GNB1: variants seen among roughly 807,000 people sequenced by gnomAD.
GNB1 encodes the protein G protein subunit beta 1, also known as guanine nucleotide-binding protein G(I)/G(S)/G(T) subunit beta-1.
A neutral mutation model predicts 42.9 loss-of-function variants in GNB1; 2 were observed. The observed-to-expected ratio is 0.05, with a 90% CI of 0.02 to 0.15. The LOEUF (loss-of-function observed/expected upper bound fraction) is 0.15, where lower values mean the gene tolerates loss of function less well. Ranked by LOEUF, GNB1 falls within the 10% of genes least tolerant of loss-of-function variation. The pLI, the probability that GNB1 is intolerant of heterozygous loss-of-function variation, is 1.00. For missense variants in GNB1, 193 were observed against 462.2 expected (o/e 0.42, Z 5.34); for synonymous variants, 183 against 174.7 (o/e 1.05, Z -0.38).
chr1:1,794,044 T>C (rs1646515556), intron 7 of GNB1: 1 of 152,204 alleles, frequency 6.6e-6, no homozygotes, highest in African/African-American at 2.4e-5. Flanking sequence ...TTGGGGACAG[T>C]GGCTGTGACA....
At chr1:1,836,378 T>G (rs1647149716) in intron 2 of GNB1, among the ~76,000 whole-genome samples, 1 of 145,528 alleles carries the variant, frequency 6.9e-6, no homozygotes, top group Non-Finnish European at 1.5e-5. Context: ...ACCTGTTTTC[T>G]TAATATTGCT....
At chr1:1,886,271 T>C (rs544400667) in intron 1 of GNB1, among the ~76,000 whole-genome samples, 6 of 152,058 alleles carry the variant, frequency 3.9e-5, no homozygotes, top group Non-Finnish European at 8.8e-5. Context: ...TGAGCCGAGA[T>C]TGCGCCACTG....
intron 7 of GNB1, among the ~76,000 whole-genome samples, chr1:1,800,514 G>C (rs767063355): frequency 3.3e-5 from 5 of 152,128 alleles, no homozygotes; most frequent in Non-Finnish European, 7.4e-5. Context: ...GAAGAAGTGG[G>C]AAAGTGATGA....
chr1:1,875,880 G>T (rs1388091905), intron 1 of GNB1, among the ~76,000 whole-genome samples: 1 of 152,078 alleles, frequency 6.6e-6, no homozygotes, highest in Non-Finnish European at 1.5e-5. Context: ...CTGGGAATGT[G>T]ACCTTATTTG....
chr1:1,810,013 G>C (rs988407160), intron 5 of GNB1, among the ~76,000 whole-genome samples: 1 of 151,848 alleles, frequency 6.6e-6, no homozygotes, highest in African/African-American at 2.4e-5. Context: ...TAAGAGGATT[G>C]GTTAAGTCCA....
At chr1:1,813,604 C>A (rs891153587) in intron 5 of GNB1, among the ~76,000 whole-genome samples, 3 of 152,082 alleles carry the variant, frequency 2.0e-5, no homozygotes, top group Non-Finnish European at 4.4e-5. Context: ...GATCCTCCCA[C>A]CTCGGCCTCC....
At chr1:1,809,275 A>G (rs1646744464) in intron 5 of GNB1, among the ~76,000 whole-genome samples, 1 of 150,436 alleles carries the variant, frequency 6.6e-6, no homozygotes, top group Admixed American at 6.7e-5. Context: ...CCCAGATGCA[A>G]GCAATTCTCG....
At chr1:1,870,609 C>T (rs919986065) in intron 1 of GNB1, among the ~76,000 whole-genome samples, 2 of 152,200 alleles carry the variant, frequency 1.3e-5, no homozygotes, top group Non-Finnish European at 2.9e-5. Flanking sequence ...CGCATGTTAG[C>T]GTTGCTGGAA....
intron 8 of GNB1, among the ~76,000 whole-genome samples, chr1:1,791,492 A>G (rs760199212): frequency 6.6e-6 from 1 of 152,126 alleles, no homozygotes; most frequent in Admixed American, 6.6e-5. Context: ...GTATTCTATC[A>G]CATTTCTGCT....
At chr1:1,867,827 T>C (rs1023414968) in intron 1 of GNB1, among the ~76,000 whole-genome samples, 14 of 152,316 alleles carry the variant, frequency 9.2e-5, no homozygotes, top group African/African-American at 3.4e-4. Flanking sequence ...TACAGCTGGA[T>C]TGCCAGTTGA....
chr1:1,884,925 T>C (rs1318108064), intron 1 of GNB1, among the ~76,000 whole-genome samples: 1 of 149,508 alleles, frequency 6.7e-6, no homozygotes, highest in African/African-American at 2.5e-5. Flanking sequence ...CATCGTGATC[T>C]GCCCGCCTGG....
intron 2 of GNB1, among the ~76,000 whole-genome samples, chr1:1,831,107 G>A (rs2101056018): frequency 6.6e-6 from 1 of 152,332 alleles, no homozygotes; most frequent in Admixed American, 6.5e-5. Context: ...GGAGGCTGCA[G>A]TGAGCAGAGA....
intron 3 of GNB1, among the ~76,000 whole-genome samples, chr1:1,820,898 A>G (rs1449263444): frequency 6.6e-6 from 1 of 152,230 alleles, no homozygotes; most frequent in African/African-American, 2.4e-5. Flanking sequence ...AGACACCTTC[A>G]ACTTTTAAAA....
intron 1 of GNB1, among the ~76,000 whole-genome samples, chr1:1,851,137 C>T (rs1308424557): frequency 3.3e-5 from 5 of 151,988 alleles, no homozygotes; most frequent in East Asian, 1.9e-4. Context: ...GCGCCAGGCG[C>T]GGAGGCTCAT....
chr1:1,815,818 C>T lies in GNB1; in HGVS notation c.141G>A (p.Thr47=), dbSNP rs200359185. The T allele has an allele frequency of 7.1e-5, 114 of 1,611,654 alleles. 2 individuals are homozygous for T. The East Asian group carries it at 9.1e-4, about 13-fold the overall frequency. Reference sequence around the variant, plus strand: ...CCAGGTGCCCCCGCAGTGTCCTCCTCGTGCGCATTTGGATTCTTCCCACTG... The same window carrying T: ...CCAGGTGCCCCCGCAGTGTCCTCCTTGTGCGCATTTGGATTCTTCCCACTG... ...IDPVGRIQMR[T]RRTLRGHLAK... The change falls in exon 5 of 12, where the codon ACG becomes ACA. Residue 47 remains threonine (T), a synonymous_variant. Coordinates refer to ENST00000378609, the MANE Select transcript of GNB1 (RefSeq NM_002074.5).
At position 1,790,640 on chromosome 1, in the gene GNB1, T is replaced by C. The variant is rs1164396951; in HGVS notation, c.498-44A>G. 7.3e-7 allele frequency: 1 copy of C among 1,371,540 alleles called. No homozygotes were observed. Among genetic ancestry groups the C allele is most frequent in the African/African-American group, 1.4e-5 (1 of 70,034 alleles). The allele number at this position is 1,371,540 out of a possible 1,614,324, so 85.0% of individuals were successfully genotyped here. On this transcript the variant is annotated intron_variant, in intron 8 of 11. Coordinates refer to ENST00000378609, the MANE Select transcript of GNB1 (RefSeq NM_002074.5). The surrounding 1 kb of genome is among the most constrained non-coding windows in gnomAD (Gnocchi z 5.4). ...ACAAGGGGACATCAGCCTTAACTTC[T>C]TGGGTGGCTAGTCATGTGACAGACA...
At chr1:1,883,505 A>G (rs1209347043) in intron 1 of GNB1, among the ~76,000 whole-genome samples, 1 of 152,152 alleles carries the variant, frequency 6.6e-6, no homozygotes, top group Non-Finnish European at 1.5e-5. Flanking sequence ...CATAAAAGAA[A>G]TTTTTACAAA....
rs1345849046 is a variant in GNB1 at position 1,807,526 on chromosome 1, C to A, written c.204-988G>T. On this transcript the variant is annotated intron_variant, in intron 5 of 11. Coordinates refer to ENST00000378609, the MANE Select transcript of GNB1 (RefSeq NM_002074.5). Reference sequence around the variant, plus strand: ...AAAGAACAAACCACTTTTAGACATTCCAAATTCATGAAACATTTCTCACCC... The same window carrying A: ...AAAGAACAAACCACTTTTAGACATTACAAATTCATGAAACATTTCTCACCC... Among the ~76,000 whole-genome samples the A allele has an allele frequency of 2.1e-5, 3 of 142,338 alleles. No homozygotes were observed. In the Admixed American group the frequency reaches 2.1e-4, roughly 10 times the overall value. 93.4% of individuals were successfully genotyped at this position (142,338 alleles called of 152,430 possible).
chr1:1,849,702 G>A (rs1382449336), intron 1 of GNB1, among the ~76,000 whole-genome samples: 1 of 151,996 alleles, frequency 6.6e-6, no homozygotes, highest in Non-Finnish European at 1.5e-5. Flanking sequence ...TGCCTGGCCT[G>A]TATGAAATAC....
Sources: gnomAD v4.1 joint callset for allele counts (sites outside exome capture counted in the v4.1 genomes callset) on GRCh38, gnomAD v4.1.1 for gene constraint, Gnocchi (gnomAD v3.1) non-coding constraint, MANE v1.5 for transcripts, NCBI Gene and HGNC (gene_info 2026-07-23, HGNC 2026-07-21) for gene names.